AKNA: variants seen among roughly 807,000 people sequenced by gnomAD.
The protein encoded by AKNA is AT-hook transcription factor.
In AKNA, 67 loss-of-function variants were observed where a neutral mutation model predicts 138.8. That is an observed-to-expected ratio of 0.48 (90% CI 0.40 to 0.59). AKNA has a LOEUF of 0.59. Among genes scored for constraint, AKNA ranks in the 20% least tolerant of loss-of-function variants. The probability of loss-of-function intolerance (pLI) is 0.00; values close to 1 mark genes in which losing one functional copy is unlikely to be tolerated. For synonymous variants in AKNA, 737 were observed against 754.4 expected, an observed-to-expected ratio of 0.98 and a Z score of 0.38; for missense variants, 1,813 against 1,880.4, an observed-to-expected ratio of 0.96 and a Z score of 0.66.
intron 5 of AKNA, 151 bp from the exon 6 acceptor site, chr9:114,367,848 G>C (rs960156884): frequency 2.3e-6 from 2 of 871,342 alleles, no homozygotes; most frequent in Admixed American, 3.3e-5. Flanking sequence ...GAAGTGGGCT[G>C]GGTAGAACAT....
In AKNA at chr9:114,359,719, T is replaced by G; in HGVS notation, c.2367A>C (p.Glu789Asp). Residue 789 changes from glutamate (E) to aspartate (D), a missense_variant, in exon 11 of 22, where the codon GAA (glutamate) becomes GAC (aspartate). Physicochemically the swap from Glu to Asp is conservative, Grantham distance 45. Coordinates refer to ENST00000374088, the MANE Select transcript of AKNA (RefSeq NM_001317950.2). ...CTTCCAGGGAGTCACCTCCCCCCTC[T>G]TCCTCCTCCTCCTCCTCTCCTTCTT... ...EEEEGEEEEE[E>D]EGGGDSLEVD... 1 of 1,608,812 alleles carries G rather than the reference T, an allele frequency of 6.2e-7. No individual in the cohort carries two copies. The highest frequency in any genetic ancestry group is 8.5e-7 in the Non-Finnish European group (1 of 1,177,256).
chr9:114,349,579 C>T (rs907654555), intron 15 of AKNA, among the ~76,000 whole-genome samples: 11 of 152,160 alleles, frequency 7.2e-5, no homozygotes, highest in Non-Finnish European at 1.6e-4. Flanking sequence ...CTGCCGGTGG[C>T]CAGAGAACTC....
chr9:114,336,620 G>A lies in AKNA; in HGVS notation c.*434C>T, dbSNP rs41278655. On this transcript the variant is annotated 3_prime_UTR_variant, in exon 22 of 22. Transcript: ENST00000374088. The stretch of plus-strand genomic sequence containing the variant: ...CCCCAGAGTGACTGGTCACAGGTGG[G>A]GGACAGGTTTGCTCCAGAAACCGTA... 8.1e-3 allele frequency: 1,331 copies of A among 164,108 alleles called. 7 individuals are homozygous for A. Among genetic ancestry groups the A allele is most frequent in the Non-Finnish European group, 0.013 (962 of 76,436 alleles). The allele number at this position is 164,108 out of a possible 1,614,324, so 10.2% of individuals were successfully genotyped here.
Position 114,337,013 on chromosome 9 carries a change from G to GGGGGCCC in AKNA, c.*40_*41insGGGCCCC. The GGGGGCCC allele has an allele frequency of 8.4e-7, 1 of 1,185,370 alleles. No homozygotes were observed. The highest frequency in any genetic ancestry group is 1.1e-6 in the Non-Finnish European group (1 of 921,704). 73.4% of individuals were successfully genotyped at this position (1,185,370 alleles called of 1,614,324 possible). A position where few individuals can be genotyped will look rare whatever the true frequency, so the allele number is the denominator to read the frequency against. ...CCACTCCTGGCCTGGCAGGCCACCT[G>GGGGGCCC]CCCACCCACCCACCCATCTGCCTCT... On this transcript the variant is annotated 3_prime_UTR_variant, in exon 22 of 22. Transcript: ENST00000374088.
chr9:114,380,819 GA>G (rs199980634), intron 2 of AKNA, among the ~76,000 whole-genome samples: 9,079 of 74,088 alleles, frequency 0.12, 388 homozygotes, highest in Middle Eastern at 0.23. Flanking sequence ...ACTAAAAAAA[GA>G]AAAAAAAAAA....
chr9:114,356,838 G>A (rs779338340), intron 13 of AKNA, 25 bp downstream of exon 13: 7 of 1,524,492 alleles, frequency 4.6e-6, no homozygotes, highest in Non-Finnish European at 6.1e-6. Flanking sequence ...GGCACTGACG[G>A]GACAATGGCG....
upstream of AKNA, among the ~76,000 whole-genome samples, chr9:114,395,963 G>A (rs917557548): frequency 6.6e-6 from 1 of 152,134 alleles, no homozygotes; most frequent in Non-Finnish European, 1.5e-5. Context: ...GTGAGAAGCT[G>A]TGTGACTCTC....
chr9:114,366,765 G>A (rs60252354), intron 6 of AKNA, among the ~76,000 whole-genome samples: 1,947 of 151,782 alleles, frequency 0.013, 49 homozygotes, highest in African/African-American at 0.045. Flanking sequence ...GAAGGGAAGG[G>A]AAGAATAAAA....
chr9:114,343,966 A>G (rs943212675), intron 18 of AKNA, 163 bp from the exon 19 acceptor site: 2 of 616,132 alleles, frequency 3.2e-6, no homozygotes, highest in African/African-American at 3.7e-5. Context: ...ATCATGTGTA[A>G]AATATGTACA....
chr9:114,330,569 C>G (rs961202572), downstream of AKNA: 8 of 1,612,828 alleles, frequency 5.0e-6, no homozygotes, highest in Non-Finnish European at 6.8e-6. Context: ...CAGAGAGTAC[C>G]AGACCCGGTG....
intron 7 of AKNA, 87 bp from the exon 8 acceptor site, chr9:114,362,620 G>C (rs1386245183): frequency 6.9e-7 from 1 of 1,456,992 alleles, no homozygotes; most frequent in Non-Finnish European, 9.1e-7. Flanking sequence ...ACAGCTTGCG[G>C]GAGGCCATGG....
rs1383271212 is a variant in AKNA at position 114,368,657 on chromosome 9, C to A, written c.1417-62G>T. 4.7e-6 allele frequency: 6 copies of A among 1,272,376 alleles called. No individual in the cohort carries two copies. The East Asian group carries it at 1.7e-4, about 37-fold the overall frequency. 78.8% of individuals were successfully genotyped at this position (1,272,376 alleles called of 1,614,324 possible). ...GGTAGGGGCAAACCCACCTGAAACG[C>A]CTCATCTTCATTCAGGAGCTCAACA... On this transcript the variant is annotated intron_variant, in intron 4 of 21. Transcript: ENST00000374088.
Position 114,345,889 on chromosome 9 carries a change from C to T in AKNA, c.3635G>A (p.Arg1212Lys), listed in dbSNP as rs1173953306. Residue 1212 changes from arginine to lysine, a missense_variant, in exon 18 of 22, where the codon AGG (arginine) becomes AAG (lysine). Arg to Lys is a conservative substitution (Grantham distance 26). Transcript: ENST00000374088. Reference sequence around the variant, plus strand: ...TGTGTATTGGCCCCGGAAGGTGACCCTGTCTGGCCATCCAGCACTGCCCAC... The same window carrying T: ...TGTGTATTGGCCCCGGAAGGTGACCTTGTCTGGCCATCCAGCACTGCCCAC... ...RGVGSAGWPD[R>K]VTFRGQYTGH... 1 of 1,614,134 alleles carries T rather than the reference C, an allele frequency of 6.2e-7. No individual in the cohort carries two copies. The highest frequency in any genetic ancestry group is 1.3e-5 in the African/African-American group (1 of 75,028).
At chr9:114,339,318 A>G (rs770015836) in intron 21 of AKNA, among the ~76,000 whole-genome samples, 2 of 152,084 alleles carry the variant, frequency 1.3e-5, no homozygotes, top group Non-Finnish European at 2.9e-5. Context: ...TCCAAACTAC[A>G]CTGGTCTCAA....
chr9:114,331,080 G>GGTCACACAGCTTATA (rs1331270365), downstream of AKNA, among the ~76,000 whole-genome samples: 1 of 152,062 alleles, frequency 6.6e-6, no homozygotes, highest in Non-Finnish European at 1.5e-5. Context: ...GTTTCCCCAA[G>GGTCACACAGCTTATA]GTCACACAGC....
At chr9:114,362,006 G>A in intron 8 of AKNA, 95 bp from the exon 9 acceptor site, 1 of 1,285,080 alleles carries the variant, frequency 7.8e-7, no homozygotes, top group Non-Finnish European at 1.1e-6. Context: ...TCCAGGGGAT[G>A]CCCCCTTAGG....
Position 114,359,953 on chromosome 9 carries a change from G to A in AKNA, c.2234C>T (p.Ala745Val). The part of the protein sequence containing the change: ...EVEDRPQDPL[A>V]RLRHKELQME... ...CTGCAGCTCCTTGTGCCTGAGTCGGGCCAGGGGGTCCTGTGGCCTGTCCTC... is the reference window on the plus strand; with the variant it reads ...CTGCAGCTCCTTGTGCCTGAGTCGGACCAGGGGGTCCTGTGGCCTGTCCTC... The change falls in exon 10 of 22, where the codon GCC (alanine) becomes GTC (valine). Residue 745 changes from alanine (A) to valine (V), a missense_variant. Physicochemically the swap from Ala to Val is moderately conservative, Grantham distance 64. Coordinates refer to ENST00000374088, the MANE Select transcript of AKNA (RefSeq NM_001317950.2). 3.1e-6 allele frequency: 5 copies of A among 1,614,206 alleles called. No homozygotes were observed. Among genetic ancestry groups the A allele is most frequent in the Non-Finnish European group, 4.2e-6 (5 of 1,180,024 alleles).
chr9:114,332,753 A>T (rs1408102145), downstream of AKNA, among the ~76,000 whole-genome samples: 1 of 152,176 alleles, frequency 6.6e-6, no homozygotes, highest in Non-Finnish European at 1.5e-5. Context: ...CCTCAGTTAC[A>T]TCATCTGCAT....
rs1461829411 is a variant in AKNA, at chr9:114,376,794, A to T, written c.1013T>A (p.Leu338Gln). Residue 338 changes from leucine (L) to glutamine (Q), a missense_variant, in exon 3 of 22, where the codon CTG becomes CAG. Transcript: ENST00000374088. Reference protein sequence around the residue: ...GRPLPRQGATLAGRSSSNAPK... With the variant: ...GRPLPRQGATQAGRSSSNAPK... ...GGCATTAGAAGAGGAGCGGCCAGCC[A>T]GAGTGGCTCCCTGTCTGGGCAGCGG... The T allele has an allele frequency of 6.2e-7, 1 of 1,612,190 alleles. No homozygotes were observed. The highest frequency in any genetic ancestry group is 1.3e-5 in the African/African-American group (1 of 74,868).
Sources: gnomAD v4.1 joint callset for allele counts (sites outside exome capture counted in the v4.1 genomes callset) on GRCh38, gnomAD v4.1.1 for gene constraint, MANE v1.5 for transcripts, NCBI Gene and HGNC (gene_info 2026-07-23, HGNC 2026-07-21) for gene names.